The following DOCK3 variants were observed in gnomAD, a reference collection of about 807,000 sequenced individuals.
The protein encoded by DOCK3 is dedicator of cytokinesis protein 3.
Under a neutral mutation model 265.6 loss-of-function variants are expected in DOCK3, and 60 were observed. That is an observed-to-expected ratio of 0.23 (90% confidence interval 0.18 to 0.28). The LOEUF (loss-of-function observed/expected upper bound fraction) is 0.28. Ranked by LOEUF, DOCK3 falls within the 10% of genes least tolerant of loss-of-function variation. The probability of loss-of-function intolerance (pLI) is 1.00; values close to 1 mark genes in which losing one functional copy is unlikely to be tolerated. For synonymous variants in DOCK3, 881 were observed against 938.0 expected (o/e 0.94, Z 1.11); for missense variants, 1,981 against 2,594.3 (o/e 0.76, Z 5.14).
chr3:51,058,172 C>G (rs1201744922), intron 5 of DOCK3, among the ~76,000 whole-genome samples: 2 of 152,152 alleles, frequency 1.3e-5, no homozygotes, highest in Admixed American at 6.5e-5. Context: ...CAAGAACATG[C>G]ATTCCAAAAT....
chr3:50,920,156 T>C (rs2050361694), intron 4 of DOCK3, among the ~76,000 whole-genome samples: 2 of 152,330 alleles, frequency 1.3e-5, no homozygotes, highest in African/African-American at 4.8e-5. Flanking sequence ...TTGCCAGTAT[T>C]TTATTGAGGA....
At chr3:51,196,773 A>G (rs182750181) in intron 12 of DOCK3, among the ~76,000 whole-genome samples, 20 of 152,334 alleles carry the variant, frequency 1.3e-4, no homozygotes, top group Admixed American at 7.2e-4. Flanking sequence ...TTTCTCATTC[A>G]TATCCTGAAT....
At chr3:51,058,468 T>A (rs2081280214) in intron 5 of DOCK3, among the ~76,000 whole-genome samples, 1 of 152,200 alleles carries the variant, frequency 6.6e-6, no homozygotes, top group South Asian at 2.1e-4. Flanking sequence ...CTTGCATAGA[T>A]AGTGTGTGTT....
intron 3 of DOCK3, chr3:50,863,385 A>G (rs761535634): frequency 1.2e-5 from 6 of 517,692 alleles, no homozygotes; most frequent in East Asian, 5.5e-5. Context: ...CAAGTTCCCA[A>G]ATAATCACCA....
At chr3:50,911,539 T>C (rs1015338104) in intron 4 of DOCK3, among the ~76,000 whole-genome samples, 3 of 152,120 alleles carry the variant, frequency 2.0e-5, no homozygotes, top group African/African-American at 7.3e-5. Context: ...GCCAGTACCA[T>C]GTTGTTTTGG....
chr3:50,950,154 T>C (rs148692332), intron 5 of DOCK3, among the ~76,000 whole-genome samples: 2 of 152,290 alleles, frequency 1.3e-5, no homozygotes, highest in Non-Finnish European at 2.9e-5. Flanking sequence ...TTTCTGCCTG[T>C]TATATACTTT....
intron 12 of DOCK3, among the ~76,000 whole-genome samples, chr3:51,181,917 C>A (rs915853884): frequency 6.6e-6 from 1 of 152,208 alleles, no homozygotes; most frequent in Non-Finnish European, 1.5e-5. Context: ...CCATTTCTAA[C>A]AAGTTCACTG....
chr3:50,888,706 G>A (rs1018371036), intron 3 of DOCK3, among the ~76,000 whole-genome samples: 1 of 151,972 alleles, frequency 6.6e-6, no homozygotes, highest in Non-Finnish European at 1.5e-5. Context: ...AAATAACTCC[G>A]CATATCTACA....
intron 5 of DOCK3, among the ~76,000 whole-genome samples, chr3:51,018,955 G>A (rs2079473709): frequency 6.6e-6 from 1 of 151,820 alleles, no homozygotes; most frequent in Non-Finnish European, 1.5e-5. Flanking sequence ...ACTGTAGCTT[G>A]TATTTTTAAT....
At chr3:51,186,411 G>A (rs2087606736) in intron 12 of DOCK3, among the ~76,000 whole-genome samples, 1 of 152,120 alleles carries the variant, frequency 6.6e-6, no homozygotes, top group African/African-American at 2.4e-5. Context: ...GTTTTATAAG[G>A]GAAGCAGAGC....
chr3:50,718,496 C>CT (rs1488106238), intron 1 of DOCK3, among the ~76,000 whole-genome samples: 1 of 151,988 alleles, frequency 6.6e-6, no homozygotes, highest in Non-Finnish European at 1.5e-5. Flanking sequence ...TTTCATTTTT[C>CT]TTTTTAAGTT....
intron 27 of DOCK3, among the ~76,000 whole-genome samples, chr3:51,308,484 A>G (rs1349834533): frequency 6.6e-6 from 1 of 151,472 alleles, no homozygotes; most frequent in African/African-American, 2.4e-5. Context: ...CCCTTAATCC[A>G]TTTAACCCTG....
intron 4 of DOCK3, among the ~76,000 whole-genome samples, chr3:50,892,292 G>C (rs1424558312): frequency 6.6e-6 from 1 of 152,018 alleles, no homozygotes; most frequent in Non-Finnish European, 1.5e-5. Flanking sequence ...CATGACATCA[G>C]CAATTTGGCA....
chr3:51,106,984 G>A lies in DOCK3; in HGVS notation c.746+16600G>A, dbSNP rs566806264. Among the ~76,000 whole-genome samples the A allele has an allele frequency of 6.6e-5, 10 of 152,338 alleles. No homozygotes were observed. The South Asian group carries it at 2.1e-3, about 32-fold the overall frequency. The stretch of plus-strand genomic sequence containing the variant: ...GAGTGTTGTGACCAGCAGTCCCAGA[G>A]CACCTTGACCCCTCCAGTGCAGCAG... On this transcript the variant is annotated intron_variant, in intron 9 of 52. Transcript: ENST00000266037.
chr3:51,309,940 G>C (rs1292137415), intron 27 of DOCK3, among the ~76,000 whole-genome samples: 1 of 152,254 alleles, frequency 6.6e-6, no homozygotes, highest in Non-Finnish European at 1.5e-5. Flanking sequence ...ACCTTAGTCT[G>C]TCCCATGCTT....
chr3:50,937,384 G>T (rs1575573235), intron 5 of DOCK3, among the ~76,000 whole-genome samples: 3 of 152,112 alleles, frequency 2.0e-5, no homozygotes, highest in South Asian at 2.1e-4. Flanking sequence ...GCTGGGCACG[G>T]TGGCTCACGC....
intron 12 of DOCK3, among the ~76,000 whole-genome samples, chr3:51,189,434 T>C (rs547521705): frequency 6.6e-6 from 1 of 152,148 alleles, no homozygotes; most frequent in East Asian, 1.9e-4. Context: ...CCTTTCTGAG[T>C]CTCTAAAGTT....
intron 2 of DOCK3, among the ~76,000 whole-genome samples, chr3:50,784,115 G>A (rs193205007): frequency 2.3e-3 from 352 of 152,124 alleles, no homozygotes; most frequent in African/African-American, 8.0e-3. Context: ...TGATCCTCCC[G>A]CCTCAGCCTC....
chr3:51,170,698 G>A (rs905867873), intron 12 of DOCK3, among the ~76,000 whole-genome samples: 11 of 151,794 alleles, frequency 7.2e-5, no homozygotes, highest in Admixed American at 2.0e-4. Flanking sequence ...TAATCCCAGC[G>A]CTTTGGGAGG....
Sources: gnomAD v4.1 joint callset for allele counts (sites outside exome capture counted in the v4.1 genomes callset) on GRCh38, gnomAD v4.1.1 for gene constraint, MANE v1.5 for transcripts, NCBI Gene and HGNC (gene_info 2026-07-23, HGNC 2026-07-21) for gene names.